The following RASGEF1C variants were observed in gnomAD, a reference collection of about 807,000 sequenced individuals.
The protein encoded by RASGEF1C is RasGEF domain family member 1C.
RASGEF1C carries 27 observed loss-of-function variants against 58.1 expected under a neutral mutation model. The observed-to-expected ratio is 0.46, with a 90% CI of 0.34 to 0.64. The LOEUF (loss-of-function observed/expected upper bound fraction) is 0.64. RASGEF1C is among the 30% of genes least tolerant of loss of function. The pLI, the probability that RASGEF1C is intolerant of heterozygous loss-of-function variation, is 0.01. For synonymous variants in RASGEF1C, 243 were observed against 246.3 expected (o/e 0.99, Z 0.13); for missense variants, 502 against 605.1 (o/e 0.83, Z 1.79).
intron 4 of RASGEF1C, among the ~76,000 whole-genome samples, chr5:180,131,411 T>C (rs929726905): frequency 6.6e-6 from 1 of 151,298 alleles, no homozygotes; most frequent in African/African-American, 2.4e-5. Context: ...GACAGCTTTC[T>C]CCCTTCTGGC....
chr5:180,193,245 C>T (rs1334341738), intron 1 of RASGEF1C, among the ~76,000 whole-genome samples: 5 of 131,652 alleles, frequency 3.8e-5, no homozygotes, highest in South Asian at 6.3e-4. Context: ...TTAGTAGAGA[C>T]GGGGTTTCAC....
Position 180,138,017 on chromosome 5 carries a change from G to C in RASGEF1C, c.36C>G (p.Thr12=), listed in dbSNP as rs1448783349. The C allele has an allele frequency of 1.3e-6, 2 of 1,555,472 alleles. No homozygotes were observed. The highest frequency in any genetic ancestry group is 1.4e-5 in the African/African-American group (1 of 71,642). The change falls in exon 2 of 14, where the codon ACC becomes ACG. Residue 12 remains threonine, a synonymous_variant. Transcript: ENST00000361132. ...TGGGGGGTGGGCTGAGGCTGCCTGG[G>C]GTGACCATGTCGGAGGCACTCAGCG... ...PQTLSASDMV[T]PGSLSPPPTE... is the part of the protein sequence containing the mutation.
In RASGEF1C at chr5:180,198,284, G is replaced by A. The variant is rs960482035; in HGVS notation, c.-7+10744C>T. Among the ~76,000 whole-genome samples, 17 of 152,214 alleles carry A rather than the reference G, an allele frequency of 1.1e-4. No individual in the cohort carries two copies. Among genetic ancestry groups the A allele is most frequent in the East Asian group, 5.8e-4 (3 of 5,196 alleles). On this transcript the variant is annotated intron_variant, in intron 1 of 13. Coordinates refer to ENST00000361132, the MANE Select transcript of RASGEF1C (RefSeq NM_175062.4). This position sits in a 1 kb window ranked among gnomAD's most constrained non-coding sequence, Gnocchi z 4.5. ...TTTCTGAAAGTCAAAGACACATGTC[G>A]GGTGCCCAAGAAGGGAAGAAAGTGA...
At chr5:180,128,667 A>G (rs1183006578) in intron 4 of RASGEF1C, 57 bp from the exon 5 acceptor site, 2 of 1,547,058 alleles carry the variant, frequency 1.3e-6, no homozygotes, top group African/African-American at 2.7e-5. Context: ...CATCTCTAAC[A>G]CTGGAACCAG....
intron 11 of RASGEF1C, among the ~76,000 whole-genome samples, chr5:180,113,813 A>C (rs1256036337): frequency 6.6e-6 from 1 of 151,902 alleles, no homozygotes; most frequent in Non-Finnish European, 1.5e-5. Context: ...GGATGGATGG[A>C]GGGACCGAGG....
At chr5:180,164,149 T>C (rs1766985952) in intron 1 of RASGEF1C, among the ~76,000 whole-genome samples, 1 of 152,220 alleles carries the variant, frequency 6.6e-6, no homozygotes, top group Non-Finnish European at 1.5e-5. Flanking sequence ...GATTTGTCAA[T>C]TGTATTGATC....
intron 1 of RASGEF1C, among the ~76,000 whole-genome samples, chr5:180,203,241 A>G (rs1756427635): frequency 6.6e-6 from 1 of 152,196 alleles, no homozygotes; most frequent in African/African-American, 2.4e-5. Context: ...GGATATCACT[A>G]CTGGGATTAT....
At chr5:180,180,795 A>C (rs138128659) in intron 1 of RASGEF1C, among the ~76,000 whole-genome samples, 172 of 152,326 alleles carry the variant, frequency 1.1e-3, no homozygotes, top group African/African-American at 3.9e-3. Context: ...GCTAGATGAG[A>C]TCTCCGAAGT....
At chr5:180,200,772 A>G (rs1436273381) in intron 1 of RASGEF1C, among the ~76,000 whole-genome samples, 4 of 152,112 alleles carry the variant, frequency 2.6e-5, no homozygotes, top group African/African-American at 4.8e-5. Context: ...CCATGCCTCC[A>G]GCATGAGTAG....
intron 1 of RASGEF1C, 119 bp from the exon 2 acceptor site, chr5:180,138,177 G>C: frequency 5.2e-6 from 3 of 579,300 alleles, no homozygotes; most frequent in Non-Finnish European, 8.7e-6. Flanking sequence ...CAGCCACTTT[G>C]TGCCAGCTTG....
At position 180,127,621 on chromosome 5, in the gene RASGEF1C, C is replaced by G; in HGVS notation, c.702G>C (p.Leu234=). Residue 234 remains leucine (L), a synonymous_variant, in exon 6 of 14, where the codon CTG becomes CTC. Coordinates refer to ENST00000361132, the MANE Select transcript of RASGEF1C (RefSeq NM_175062.4). ...AAGAGCCTCCTACCTTTGTGCTGGC[C>G]AGAGGGTCCTTGTTCACAAAGGCCT... is the stretch of plus-strand genomic sequence containing the variant. The part of the protein sequence containing the change: ...FVQAFVNKDP[L]ASTKPCFSDK... The G allele has an allele frequency of 1.9e-6, 3 of 1,612,752 alleles. No homozygotes were observed. The highest frequency in any genetic ancestry group is 2.5e-6 in the Non-Finnish European group (3 of 1,179,566).
intron 1 of RASGEF1C, chr5:180,138,387 A>G (rs1334460967): frequency 2.6e-5 from 6 of 229,944 alleles, no homozygotes. Flanking sequence ...ACAAGCCTGG[A>G]TAATCAGCCT....
chr5:180,158,934 T>C lies in RASGEF1C; in HGVS notation c.-6-20876A>G, dbSNP rs1766894008. Among the ~76,000 whole-genome samples the C allele has an allele frequency of 6.6e-6, 1 of 152,162 alleles. No individual in the cohort carries two copies. The highest frequency in any genetic ancestry group is 2.4e-5 in the African/African-American group (1 of 41,438). The stretch of plus-strand genomic sequence containing the variant: ...ATTTAAAAAATATTTTCTCTCCTAC[T>C]TTCCATTACAAAATCTTCGTGCTCT... On this transcript the variant is annotated intron_variant, in intron 1 of 13. Coordinates refer to ENST00000361132, the MANE Select transcript of RASGEF1C (RefSeq NM_175062.4). The surrounding 1 kb of genome is among the most constrained non-coding windows in gnomAD (Gnocchi z 4.0).
intron 1 of RASGEF1C, among the ~76,000 whole-genome samples, chr5:180,146,076 T>TTGC (rs1766656922): frequency 6.6e-6 from 1 of 152,218 alleles, no homozygotes; most frequent in African/African-American, 2.4e-5. Flanking sequence ...TCTATTTTTG[T>TTGC]CTTTTGTTGC....
At chr5:180,176,023 T>A (rs1767220364) in intron 1 of RASGEF1C, among the ~76,000 whole-genome samples, 1 of 152,142 alleles carries the variant, frequency 6.6e-6, no homozygotes, top group Admixed American at 6.5e-5. Flanking sequence ...AAACACATAA[T>A]AATGGCTAGA....
chr5:180,119,570 G>A (rs1006824655), intron 7 of RASGEF1C, 122 bp from the exon 8 acceptor site: 10 of 715,004 alleles, frequency 1.4e-5, no homozygotes, highest in African/African-American at 1.2e-4. Context: ...AGGCACTTGA[G>A]GCTCAGGGTA....
Position 180,177,756 on chromosome 5 carries a change from T to G in RASGEF1C, c.-7+31272A>C, listed in dbSNP as rs901055624. Among the ~76,000 whole-genome samples the G allele has an allele frequency of 2.6e-5, 4 of 152,138 alleles. No homozygotes were observed. Among genetic ancestry groups the G allele is most frequent in the African/African-American group, 4.8e-5 (2 of 41,434 alleles). On this transcript the variant is annotated intron_variant, in intron 1 of 13. Coordinates refer to ENST00000361132, the MANE Select transcript of RASGEF1C (RefSeq NM_175062.4). The surrounding 1 kb of genome is among the most constrained non-coding windows in gnomAD (Gnocchi z 5.0). Reference sequence around the variant, plus strand: ...TCCATGGGCAGGCATGTCACCTGGGTGGGCCACCAGACTCAGTTCGTGGGA... The same window carrying G: ...TCCATGGGCAGGCATGTCACCTGGGGGGGCCACCAGACTCAGTTCGTGGGA...
Position 180,156,200 on chromosome 5 carries a change from T to C in RASGEF1C, c.-6-18142A>G, listed in dbSNP as rs1290195165. Among the ~76,000 whole-genome samples the C allele has an allele frequency of 6.6e-6, 1 of 152,174 alleles. No individual in the cohort carries two copies. The highest frequency in any genetic ancestry group is 6.5e-5 in the Admixed American group (1 of 15,284). On this transcript the variant is annotated intron_variant, in intron 1 of 13. Transcript: ENST00000361132. The surrounding 1 kb of genome is among the most constrained non-coding windows in gnomAD (Gnocchi z 4.9). ...CCTGTGTATTTATCCCCAAATACCCTGCCTAGTTTGACAGCAGAGGGCAGG... is the reference window on the plus strand; with the variant it reads ...CCTGTGTATTTATCCCCAAATACCCCGCCTAGTTTGACAGCAGAGGGCAGG...
chr5:180,128,830 G>A (rs906132294), intron 4 of RASGEF1C, among the ~76,000 whole-genome samples: 10 of 152,232 alleles, frequency 6.6e-5, no homozygotes, highest in African/African-American at 2.2e-4. Flanking sequence ...CTGGGGTGAA[G>A]GCTGCAGGGC....
Sources: gnomAD v4.1 joint callset for allele counts (sites outside exome capture counted in the v4.1 genomes callset) on GRCh38, gnomAD v4.1.1 for gene constraint, Gnocchi (gnomAD v3.1) non-coding constraint, MANE v1.5 for transcripts, NCBI Gene and HGNC (gene_info 2026-07-23, HGNC 2026-07-21) for gene names.